The following AHRR variants were observed in gnomAD, a reference collection of about 807,000 sequenced individuals.
AHRR encodes aryl hydrocarbon receptor repressor.
Under a neutral mutation model 44.0 loss-of-function variants are expected in AHRR, and 28 were observed. That is an observed-to-expected ratio of 0.64 (90% CI 0.47 to 0.87). AHRR has a LOEUF of 0.87. Ranked by LOEUF, AHRR falls within the 40% of genes least tolerant of loss-of-function variation. AHRR has a pLI of 0.00. For missense variants in AHRR, 990 were observed against 953.9 expected, an observed-to-expected ratio of 1.04 and a Z score of -0.50; for synonymous variants, 434 against 407.0, an observed-to-expected ratio of 1.07 and a Z score of -0.80.
chr5:367,255 C>T (rs1045599100), intron 3 of AHRR, among the ~76,000 whole-genome samples: 1 of 152,150 alleles, frequency 6.6e-6, no homozygotes, highest in Non-Finnish European at 1.5e-5. Flanking sequence ...AGGGGGAGAA[C>T]GGGAGTTCGT....
chr5:407,894 G>A (rs942208039), intron 4 of AHRR, among the ~76,000 whole-genome samples: 4 of 152,306 alleles, frequency 2.6e-5, no homozygotes, highest in Non-Finnish European at 4.4e-5. Flanking sequence ...CTATGATGTC[G>A]TCTGCAAAGA....
At chr5:401,463 G>T (rs1735010618) in intron 4 of AHRR, among the ~76,000 whole-genome samples, 2 of 152,236 alleles carry the variant, frequency 1.3e-5, no homozygotes, top group Non-Finnish European at 2.9e-5. Flanking sequence ...CAAAGTCCCT[G>T]ACCTCCATTG....
intron 2 of AHRR, among the ~76,000 whole-genome samples, chr5:353,243 G>C (rs531703326): frequency 2.6e-5 from 4 of 152,198 alleles, no homozygotes; most frequent in Admixed American, 1.3e-4. Context: ...CCTTGGGCAC[G>C]GCCCGGCTGA....
intron 1 of AHRR, chr5:343,521 G>T: frequency 1.4e-5 from 4 of 287,498 alleles, no homozygotes; most frequent in Non-Finnish European, 2.6e-5. Context: ...GCTGCAGGCT[G>T]CCCAGGCCTT....
rs182526351 is a variant in AHRR, at chr5:427,424, C to T, written c.709-383C>T. Among the ~76,000 whole-genome samples the T allele has an allele frequency of 8.5e-3, 577 of 67,938 alleles. 2 individuals are homozygous for T. The highest frequency in any genetic ancestry group is 0.034 in the African/African-American group (535 of 15,950). The allele number at this position is 67,938 out of a possible 152,430, so 44.6% of individuals were successfully genotyped here. On this transcript the variant is annotated intron_variant, in intron 7 of 10. Coordinates refer to ENST00000684583, the MANE Select transcript of AHRR (RefSeq NM_001377236.1). ...AACAATCCTTGGAGATCATCCACTC[C>T]TGCGAATTCTTGCCAGGGGTTTGCC...
At chr5:415,730 G>GCCGAGTCTCC (rs1560916547) in intron 5 of AHRR, among the ~76,000 whole-genome samples, 1 of 152,112 alleles carries the variant, frequency 6.6e-6, no homozygotes, top group Non-Finnish European at 1.5e-5. Context: ...AGGCCTAGGG[G>GCCGAGTCTCC]CTGTGCAGAG....
intron 4 of AHRR, among the ~76,000 whole-genome samples, chr5:398,221 T>C (rs2721013): frequency 1.1e-4 from 9 of 84,400 alleles, no homozygotes; most frequent in African/African-American, 3.8e-4. Context: ...TCCACGTAGC[T>C]CCTGACCATC....
At chr5:414,249 CG>C (rs1735611526) in intron 5 of AHRR, among the ~76,000 whole-genome samples, 2 of 151,746 alleles carry the variant, frequency 1.3e-5, no homozygotes, top group Non-Finnish European at 2.9e-5. Flanking sequence ...GGTGACAGAG[CG>C]AGACTCCATC....
At chr5:412,866 G>A (rs56191122) in intron 4 of AHRR, among the ~76,000 whole-genome samples, 26 of 151,884 alleles carry the variant, frequency 1.7e-4, no homozygotes, top group African/African-American at 5.8e-4. Flanking sequence ...GACTACAGTC[G>A]CACACCACCA....
At chr5:403,028 G>A (rs1328781452) in intron 4 of AHRR, among the ~76,000 whole-genome samples, 3 of 152,252 alleles carry the variant, frequency 2.0e-5, no homozygotes, top group South Asian at 2.1e-4. Context: ...ACCAGGGGCC[G>A]GGGGTGTGGG....
chr5:422,586 CCGTCTCTT>C, intron 5 of AHRR, 135 bp from the exon 6 acceptor site: 1 of 1,150,592 alleles, frequency 8.7e-7, no homozygotes, highest in Non-Finnish European at 1.3e-6. Context: ...GGGCCAAGCG[CCGTCTCTT>C]CGGTGGGATT....
chr5:345,634 C>T (rs904414529), intron 2 of AHRR, among the ~76,000 whole-genome samples: 5 of 151,446 alleles, frequency 3.3e-5, no homozygotes, highest in African/African-American at 9.7e-5. Context: ...TGATGTCCCC[C>T]GCTGCAGGGG....
Position 413,367 on chromosome 5 carries a change from C to T in AHRR, c.375C>T (p.Val125=), listed in dbSNP as rs747226476. 32 of 1,611,704 alleles carry T rather than the reference C, an allele frequency of 2.0e-5. No individual in the cohort carries two copies. The highest frequency in any genetic ancestry group is 1.9e-4 in the African/African-American group (14 of 74,612). The change falls in exon 5 of 11, where the codon GTC becomes GTT. Residue 125 remains valine (V), a synonymous_variant. Transcript: ENST00000684583. ...AGTCTCTTAATGGCTTTGCTCTGGTCGTGAGTGCAGAAGGGACGATATTTT... is the reference window on the plus strand; with the variant it reads ...AGTCTCTTAATGGCTTTGCTCTGGTTGTGAGTGCAGAAGGGACGATATTTT... ...LLESLNGFAL[V]VSAEGTIFYA...
Position 434,205 on chromosome 5 carries a change from C to T in AHRR, c.1465C>T (p.Gln489Ter). 1 of 1,590,214 alleles carries T rather than the reference C, an allele frequency of 6.3e-7. No individual in the cohort carries two copies. Among genetic ancestry groups the T allele is most frequent in the Non-Finnish European group, 8.6e-7 (1 of 1,168,294 alleles). The part of the protein sequence containing the change: ...PLCHFPQRSL[Q>*]HQLPQPGAQR... ...CTGCCACTTTCCCCAGAGGAGCCTG[C>T]AGCACCAGCTCCCTCAGCCTGGAGC... The change falls in exon 11 of 11, where the codon CAG becomes TAG. Residue 489 changes from glutamine (Q) to a stop codon, truncating the protein, a stop_gained. Transcript: ENST00000684583. LOFTEE classifies it low-confidence loss of function (END_TRUNC).
chr5:355,549 G>A (rs1339943976), intron 3 of AHRR, among the ~76,000 whole-genome samples: 1 of 152,160 alleles, frequency 6.6e-6, no homozygotes, highest in East Asian at 1.9e-4. Context: ...TGGAGGAGAG[G>A]CCAGGTCATT....
At chr5:428,984 G>A (rs961614645) in intron 8 of AHRR, among the ~76,000 whole-genome samples, 6 of 152,262 alleles carry the variant, frequency 3.9e-5, no homozygotes, top group East Asian at 1.9e-4. Context: ...ACTCGCTTGC[G>A]CAGGGCCCAC....
chr5:359,803 G>T (rs1743113094), intron 3 of AHRR, among the ~76,000 whole-genome samples: 1 of 152,176 alleles, frequency 6.6e-6, no homozygotes. Context: ...AGGTGGGCAA[G>T]AACAGAGGCC....
intron 3 of AHRR, among the ~76,000 whole-genome samples, chr5:365,545 G>T (rs965036647): frequency 1.3e-5 from 2 of 152,074 alleles, no homozygotes; most frequent in East Asian, 3.8e-4. Flanking sequence ...ATTTAATTAA[G>T]TAGTTCTGAT....
intron 1 of AHRR, among the ~76,000 whole-genome samples, chr5:322,857 G>T (rs372173675): frequency 3.3e-5 from 5 of 152,168 alleles, no homozygotes; most frequent in South Asian, 2.1e-4. Context: ...CGCTTCGACG[G>T]GGGGGACGCC....
Sources: gnomAD v4.1 joint callset for allele counts (sites outside exome capture counted in the v4.1 genomes callset) on GRCh38, gnomAD v4.1.1 for gene constraint, MANE v1.5 for transcripts, NCBI Gene and HGNC (gene_info 2026-07-23, HGNC 2026-07-21) for gene names.